The following GPATCH1 variants were observed in gnomAD, a reference collection of about 807,000 sequenced individuals.
GPATCH1 encodes G patch domain-containing protein 1.
A neutral mutation model predicts 114.9 loss-of-function variants in GPATCH1; 73 were observed. The ratio of observed to expected loss-of-function variants is 0.64; its 90% CI spans 0.53 to 0.77. The LOEUF (loss-of-function observed/expected upper bound fraction) is 0.77, where lower values mean the gene tolerates loss of function less well. GPATCH1 is among the 30% of genes least tolerant of loss of function. The pLI, the probability that GPATCH1 is intolerant of heterozygous loss-of-function variation, is 0.00. For synonymous variants in GPATCH1, 391 were observed against 428.4 expected, an observed-to-expected ratio of 0.91 and a Z score of 1.08; for missense variants, 1,058 against 1,144.3, an observed-to-expected ratio of 0.92 and a Z score of 1.09.
chr19:33,128,663 G>A (rs984436104), intron 19 of GPATCH1, among the ~76,000 whole-genome samples: 2 of 152,146 alleles, frequency 1.3e-5, no homozygotes, highest in Non-Finnish European at 2.9e-5. Context: ...GGCGTGAGCC[G>A]CTGCGCAGGC....
At chr19:33,116,426 T>A (rs1208662369) in intron 15 of GPATCH1, among the ~76,000 whole-genome samples, 1 of 152,252 alleles carries the variant, frequency 6.6e-6, no homozygotes, top group Non-Finnish European at 1.5e-5. Flanking sequence ...CAACAAGTGA[T>A]TCTCTTAAAT....
Position 33,130,442 on chromosome 19 carries a change from G to A in GPATCH1, c.*282G>A, listed in dbSNP as rs1973093189. ...TGATTTTTAAAAAATTTCCTGGGAC[G>A]TTAAAAAAGAAGTTAAAAGTGAAGG... On this transcript the variant is annotated 3_prime_UTR_variant, in exon 20 of 20. Transcript: ENST00000170564. The A allele has an allele frequency of 9.2e-6, 3 of 326,872 alleles. No homozygotes were observed. The highest frequency in any genetic ancestry group is 4.9e-5 in the Admixed American group (1 of 20,300). 20.2% of individuals were successfully genotyped at this position (326,872 alleles called of 1,614,324 possible).
Position 33,086,628 on chromosome 19 carries a change from T to G in GPATCH1, c.74-1506T>G, listed in dbSNP as rs1276334601. 2.6e-5 allele frequency among the ~76,000 whole-genome samples: 4 copies of G among 152,106 alleles called. No homozygotes were observed. In the East Asian group the frequency reaches 7.7e-4, roughly 29 times the overall value. On this transcript the variant is annotated intron_variant, in intron 1 of 19. Coordinates refer to ENST00000170564, the MANE Select transcript of GPATCH1 (RefSeq NM_018025.3). ...CTGCCACCATGCCTGGCTAATTTTT[T>G]GTATCTTAGCAGAGACGGGGTTTCA...
At position 33,112,435 on chromosome 19, in the gene GPATCH1, C is replaced by A; in HGVS notation, c.1765-51C>A. On this transcript the variant is annotated intron_variant, in intron 12 of 19. Transcript: ENST00000170564. Reference sequence around the variant, plus strand: ...TGAAAATTTTAAATGGGAGAGCAGTCAGGTCAGTGGTGCGGCCACTTGATG... The same window carrying A: ...TGAAAATTTTAAATGGGAGAGCAGTAAGGTCAGTGGTGCGGCCACTTGATG... 2.5e-6 allele frequency: 4 copies of A among 1,598,900 alleles called. No individual in the cohort carries two copies. The South Asian group carries it at 3.3e-5, about 13-fold the overall frequency.
chr19:33,106,871 T>G lies in GPATCH1; in HGVS notation c.1257T>G (p.Ala419=). Residue 419 remains alanine, a synonymous_variant, in exon 10 of 20, where the codon GCT becomes GCG. Coordinates refer to ENST00000170564, the MANE Select transcript of GPATCH1 (RefSeq NM_018025.3). ...ACCAACTGAATGCCTCCAAACGGGCTGAGTTGCTTGGAGAGACGCCTATTC... is the reference window on the plus strand; with the variant it reads ...ACCAACTGAATGCCTCCAAACGGGCGGAGTTGCTTGGAGAGACGCCTATTC... The part of the protein sequence containing the change: ...SKHQLNASKR[A]ELLGETPIQG... The G allele has an allele frequency of 1.2e-6, 2 of 1,613,964 alleles. No individual in the cohort carries two copies. Among genetic ancestry groups the G allele is most frequent in the Non-Finnish European group, 8.5e-7 (1 of 1,179,918 alleles).
In GPATCH1 at chr19:33,111,710, C is replaced by T. The variant is rs376223428; in HGVS notation, c.1586-14C>T. On this transcript the variant is annotated splice_polypyrimidine_tract_variant and intron_variant, in intron 11 of 19. Transcript: ENST00000170564. ...CTGAAAAGTGAAGCTGCTTCTTGTT[C>T]TCTGCCCCCGCAGATGCTCTGGAAC... The T allele has an allele frequency of 1.3e-4, 213 of 1,611,868 alleles. 2 individuals are homozygous for T. The highest frequency in any genetic ancestry group is 1.4e-4 in the Non-Finnish European group (163 of 1,179,324).
At chr19:33,129,418 T>TAA (rs775961548) in intron 19 of GPATCH1, among the ~76,000 whole-genome samples, 3 of 137,036 alleles carry the variant, frequency 2.2e-5, no homozygotes, top group Non-Finnish European at 3.2e-5. Flanking sequence ...ATAAAAAAAT[T>TAA]AAAAAAAAAA....
chr19:33,101,518 G>A lies in GPATCH1; in HGVS notation c.1024G>A (p.Val342Ile), dbSNP rs369804121. ...QKESEKDLRY[V>I]GKILDGFSLA... ...AGAATCAGAGAAAGACCTTCGGTACGTTGGCAAAATTTTGGATGGATTTTC... is the reference window on the plus strand; with the variant it reads ...AGAATCAGAGAAAGACCTTCGGTACATTGGCAAAATTTTGGATGGATTTTC... The change falls in exon 9 of 20, where the codon GTT (valine) becomes ATT (isoleucine). Residue 342 changes from valine (V) to isoleucine (I), a missense_variant. Physicochemically the swap from Val to Ile is conservative, Grantham distance 29. Around this residue, in one of 3 missense-constraint regions of GPATCH1, gnomAD observed 893 missense variants for 977.4 expected, o/e 0.91. Transcript: ENST00000170564. The A allele has an allele frequency of 6.9e-6, 11 of 1,600,808 alleles. No individual in the cohort carries two copies. Among genetic ancestry groups the A allele is most frequent in the East Asian group, 2.2e-5 (1 of 44,806 alleles).
chr19:33,106,327 T>C (rs1396007426), intron 9 of GPATCH1, among the ~76,000 whole-genome samples: 1 of 152,182 alleles, frequency 6.6e-6, no homozygotes, highest in African/African-American at 2.4e-5. Context: ...ATGCTTTGAA[T>C]GGTACTTTTT....
chr19:33,108,627 C>CT (rs1972814718), intron 10 of GPATCH1, among the ~76,000 whole-genome samples: 1 of 152,150 alleles, frequency 6.6e-6, no homozygotes. Context: ...ACAAGCCCCC[C>CT]TCAGTCACAT....
intron 8 of GPATCH1, chr19:33,100,191 CAT>C (rs1972709698): frequency 6.6e-6 from 1 of 151,868 alleles, no homozygotes; most frequent in South Asian, 2.1e-4. Context: ...AGAATGAACT[CAT>C]AAACATGAAA....
At chr19:33,104,326 G>A (rs1418639284) in intron 9 of GPATCH1, among the ~76,000 whole-genome samples, 2 of 75,364 alleles carry the variant, frequency 2.7e-5, no homozygotes, top group African/African-American at 2.4e-4. Context: ...GCAACAGAGT[G>A]AGACCCTGTC....
chr19:33,096,542 T>A, intron 7 of GPATCH1, 96 bp downstream of exon 7: 1 of 1,044,658 alleles, frequency 9.6e-7, no homozygotes, highest in Non-Finnish European at 1.4e-6. Flanking sequence ...TTTCTTTTTT[T>A]TTCCCCCTAA....
At chr19:33,112,682 A>T in intron 13 of GPATCH1, 69 bp downstream of exon 13, 1 of 1,242,790 alleles carries the variant, frequency 8.0e-7, no homozygotes, top group East Asian at 2.4e-5. Context: ...TTCCCCTTAC[A>T]TACTCATATA....
intron 2 of GPATCH1, among the ~76,000 whole-genome samples, chr19:33,088,540 G>A (rs954681475): frequency 6.6e-6 from 1 of 151,644 alleles, no homozygotes; most frequent in Non-Finnish European, 1.5e-5. Context: ...AGTAGAGACA[G>A]GAGTTTCACC....
At chr19:33,086,147 A>G (rs1255197077) in intron 1 of GPATCH1, among the ~76,000 whole-genome samples, 1 of 152,198 alleles carries the variant, frequency 6.6e-6, no homozygotes, top group Non-Finnish European at 1.5e-5. Flanking sequence ...AGCACAAAAT[A>G]TGCTGAGATT....
At chr19:33,118,430 C>T (rs1384382423) in intron 16 of GPATCH1, among the ~76,000 whole-genome samples, 1 of 152,072 alleles carries the variant, frequency 6.6e-6, no homozygotes, top group East Asian at 1.9e-4. Flanking sequence ...CTGCCCACCT[C>T]AGCCTCCCAA....
intron 17 of GPATCH1, among the ~76,000 whole-genome samples, chr19:33,120,027 TATTTATA>T (rs1298615748): frequency 3.6e-5 from 5 of 140,296 alleles, no homozygotes. Flanking sequence ...TATATTTATA[TATTTATA>T]TATTTATATT....
chr19:33,095,947 T>A, intron 6 of GPATCH1, 127 bp downstream of exon 6: 1 of 797,748 alleles, frequency 1.3e-6, no homozygotes, highest in Non-Finnish European at 2.2e-6. Context: ...ACTCATACCC[T>A]AAAGCTATCC....
Sources: allele counts gnomAD v4.1 joint callset (sites outside exome capture counted in the v4.1 genomes callset), GRCh38; gene constraint gnomAD v4.1.1; regional missense constraint gnomAD v4.1.1; transcripts MANE v1.5; gene names NCBI Gene and HGNC (gene_info 2026-07-23, HGNC 2026-07-21).